The following TRAPPC9 variants were observed in gnomAD, a reference collection of about 807,000 sequenced individuals.
TRAPPC9 encodes IKK2 binding protein.
Under a neutral mutation model 124.0 loss-of-function variants are expected in TRAPPC9, and 83 were observed. That is an observed-to-expected ratio of 0.67 (90% confidence interval 0.56 to 0.80). The LOEUF (loss-of-function observed/expected upper bound fraction) is 0.80. Ranked by LOEUF, TRAPPC9 falls within the 30% of genes least tolerant of loss-of-function variation. TRAPPC9 has a pLI of 0.00. For missense variants in TRAPPC9, 1,302 were observed against 1,508.3 expected (o/e 0.86, Z 2.27); for synonymous variants, 638 against 617.5 (o/e 1.03, Z -0.49).
chr8:139,755,033 C>A (rs946110322), intron 21 of TRAPPC9, among the ~76,000 whole-genome samples: 2 of 152,222 alleles, frequency 1.3e-5, no homozygotes, highest in Non-Finnish European at 2.9e-5. Context: ...CTGCCTGGGG[C>A]CAACAGGACA....
At chr8:139,870,426 C>T (rs1314211869) in intron 21 of TRAPPC9, among the ~76,000 whole-genome samples, 1 of 152,158 alleles carries the variant, frequency 6.6e-6, no homozygotes, top group Non-Finnish European at 1.5e-5. Context: ...AAAGGAATAT[C>T]ATACAGTGCG....
intron 21 of TRAPPC9, among the ~76,000 whole-genome samples, chr8:139,790,603 C>A (rs1822592586): frequency 6.6e-6 from 1 of 152,190 alleles, no homozygotes. Context: ...GTTGTCACAT[C>A]TGGTGGAGTG....
intron 21 of TRAPPC9, among the ~76,000 whole-genome samples, chr8:139,743,940 C>G (rs1203293638): frequency 1.3e-5 from 2 of 152,190 alleles, no homozygotes; most frequent in African/African-American, 4.8e-5. Flanking sequence ...AAGCTCAGAA[C>G]TAAACATGAA....
chr8:140,458,473 C>G (rs797046049), upstream of TRAPPC9: 2 of 1,572,028 alleles, frequency 1.3e-6, no homozygotes, highest in Admixed American at 1.9e-5. Context: ...CCTCCAGGAT[C>G]GCAGGGCCCG....
rs770360933 is a variant in TRAPPC9 at position 139,732,089 on chromosome 8, G to A, written c.3169C>T (p.Pro1057Ser). Residue 1057 changes from proline to serine, a missense_variant, in exon 22 of 23, where the codon CCC (proline) becomes TCC (serine). Pro to Ser is a moderately conservative substitution (Grantham distance 74, BLOSUM62 -1). This residue lies in a region of TRAPPC9 where 640 missense variants were observed against 679.3 expected (regional missense o/e 0.94). Coordinates refer to ENST00000438773, the MANE Select transcript of TRAPPC9 (RefSeq NM_001160372.4). ...LTNRSPRSVG[P>S]FALTVVPFQD... ...AAGGGGACCACAGTGAGGGCGAAGG[G>A]CCCTACGCTGCGCGGGCTCCGGTTG... The A allele has an allele frequency of 2.4e-5, 38 of 1,605,782 alleles. No individual in the cohort carries two copies. The highest frequency in any genetic ancestry group is 3.2e-5 in the Non-Finnish European group (38 of 1,176,522).
intron 21 of TRAPPC9, among the ~76,000 whole-genome samples, chr8:139,816,739 T>C (rs888784026): frequency 6.6e-6 from 1 of 152,126 alleles, no homozygotes; most frequent in Non-Finnish European, 1.5e-5. Context: ...TCATGACCTC[T>C]GCAATGCCAA....
rs11389261 is a variant in TRAPPC9, at chr8:140,161,414, A to ATT, written c.2556+60043_2556+60044dup. 7.1e-3 allele frequency among the ~76,000 whole-genome samples: 1,058 copies of ATT among 149,832 alleles called. 7 individuals carry two copies. Among genetic ancestry groups the ATT allele is most frequent in the African/African-American group, 0.018 (755 of 40,866 alleles). ...ATGCTCAGGACCAGAAACATCTCCA[A>ATT]TTTTTTTTTTTCGCATTTTGGAATA... On this transcript the variant is annotated intron_variant, in intron 17 of 22. Transcript: ENST00000438773.
chr8:139,933,626 G>A (rs1833337631), intron 19 of TRAPPC9: 1 of 152,226 alleles, frequency 6.6e-6, no homozygotes, highest in Admixed American at 6.5e-5. Context: ...CCTCCCTGAG[G>A]ACCACACTGG....
chr8:140,010,974 G>A (rs1017416131), intron 18 of TRAPPC9, among the ~76,000 whole-genome samples: 2 of 152,186 alleles, frequency 1.3e-5, no homozygotes, highest in African/African-American at 4.8e-5. Flanking sequence ...ATTTACTGAT[G>A]TGGAAAGATG....
intron 7 of TRAPPC9, among the ~76,000 whole-genome samples, chr8:140,388,882 C>T (rs1029667391): frequency 6.8e-6 from 1 of 148,104 alleles, no homozygotes; most frequent in Admixed American, 6.8e-5. Context: ...AGGACTGATT[C>T]GTGCTACAAC....
chr8:140,297,819 A>C (rs1352027696), intron 11 of TRAPPC9, among the ~76,000 whole-genome samples: 3 of 152,246 alleles, frequency 2.0e-5, no homozygotes, highest in African/African-American at 4.8e-5. Context: ...TCGATAGTCA[A>C]CTTCTCACGT....
rs142294606 is a variant in TRAPPC9, at chr8:140,271,077, G to C, written c.2278+4581C>G. Among the ~76,000 whole-genome samples the C allele has an allele frequency of 5.9e-5, 9 of 152,326 alleles. No homozygotes were observed. The East Asian group carries it at 1.7e-3, about 29-fold the overall frequency. ...TGGGAGGGCAAGTTAAATTACAGGA[G>C]ATGTGAGAAAAGTTTGCCACGTAGA... is the stretch of plus-strand genomic sequence containing the variant. On this transcript the variant is annotated intron_variant, in intron 15 of 22. Transcript: ENST00000438773.
chr8:139,947,894 G>GTATATATA (rs55645825), intron 19 of TRAPPC9, among the ~76,000 whole-genome samples: 2 of 65,842 alleles, frequency 3.0e-5, no homozygotes, highest in African/African-American at 1.2e-4. Flanking sequence ...AAATATGTGT[G>GTATATATA]TATATATATA....
intron 16 of TRAPPC9, among the ~76,000 whole-genome samples, chr8:140,236,808 C>T (rs2063741641): frequency 6.6e-6 from 1 of 152,146 alleles, no homozygotes; most frequent in Non-Finnish European, 1.5e-5. Flanking sequence ...TCACTTCTCC[C>T]CCAAATTAAT....
At position 139,942,805 on chromosome 8, in the gene TRAPPC9, A is replaced by T. The variant is rs1833995201; in HGVS notation, c.2811-32505T>A. On this transcript the variant is annotated intron_variant, in intron 19 of 22. Coordinates refer to ENST00000438773, the MANE Select transcript of TRAPPC9 (RefSeq NM_001160372.4). ...CAGGCCGAGTCAGCACCACGTGGAAACGAAAGCTCGGGGAGAGACTCTGCC... is the reference window on the plus strand; with the variant it reads ...CAGGCCGAGTCAGCACCACGTGGAATCGAAAGCTCGGGGAGAGACTCTGCC... Among the ~76,000 whole-genome samples the T allele has an allele frequency of 2.0e-5, 3 of 152,232 alleles. No individual in the cohort carries two copies. The South Asian group carries it at 6.2e-4, about 32-fold the overall frequency.
At chr8:140,141,350 C>T (rs1007153533) in intron 17 of TRAPPC9, among the ~76,000 whole-genome samples, 3 of 152,208 alleles carry the variant, frequency 2.0e-5, no homozygotes, top group Non-Finnish European at 4.4e-5. Flanking sequence ...CCTTATCTGG[C>T]GCATCCACAC....
intron 17 of TRAPPC9, among the ~76,000 whole-genome samples, chr8:140,094,273 C>T (rs1844779069): frequency 6.6e-6 from 1 of 152,164 alleles, no homozygotes; most frequent in Non-Finnish European, 1.5e-5. Context: ...ATGCCTCATC[C>T]CAGGAGTACA....
rs1206305915 is a variant in TRAPPC9 at position 139,742,349 on chromosome 8, G to A, written c.3056-10147C>T. Among the ~76,000 whole-genome samples, 1 of 152,228 alleles carries A rather than the reference G, an allele frequency of 6.6e-6. No individual in the cohort carries two copies. Among genetic ancestry groups the A allele is most frequent in the East Asian group, 1.9e-4 (1 of 5,198 alleles). ...CAGCCTGGGACAGCTGTTTGGAATG[G>A]CCCTTCTGTGCAGTCCTCTTTGCTT... On this transcript the variant is annotated intron_variant, in intron 21 of 22. Transcript: ENST00000438773. This position sits in a 1 kb window ranked among gnomAD's most constrained non-coding sequence, Gnocchi z 4.7.
intron 9 of TRAPPC9, among the ~76,000 whole-genome samples, chr8:140,330,881 T>C (rs2066877086): frequency 6.6e-6 from 1 of 151,792 alleles, no homozygotes; most frequent in Non-Finnish European, 1.5e-5. Context: ...TGCCCCAAAA[T>C]GAAAAAATGC....
Sources: allele counts gnomAD v4.1 joint callset (sites outside exome capture counted in the v4.1 genomes callset), GRCh38; gene constraint gnomAD v4.1.1; regional missense constraint gnomAD v4.1.1; non-coding constraint Gnocchi (gnomAD v3.1); transcripts MANE v1.5; gene names NCBI Gene and HGNC (gene_info 2026-07-23, HGNC 2026-07-21).